CYP7B1: variants seen among roughly 807,000 people sequenced by gnomAD.
CYP7B1 encodes the protein cytochrome P450 7B1.
Under a neutral mutation model 42.7 loss-of-function variants are expected in CYP7B1, and 29 were observed. The ratio of observed to expected loss-of-function variants is 0.68; its 90% CI spans 0.51 to 0.93. The LOEUF is 0.93. Ranked by LOEUF, CYP7B1 falls within the 40% of genes least tolerant of loss-of-function variation. The probability of loss-of-function intolerance (pLI) is 0.00; values close to 1 mark genes in which losing one functional copy is unlikely to be tolerated. For synonymous variants in CYP7B1, 235 were observed against 218.2 expected (o/e 1.08, Z -0.68); for missense variants, 655 against 600.5 (o/e 1.09, Z -0.95).
intron 1 of CYP7B1, among the ~76,000 whole-genome samples, chr8:64,717,787 C>T (rs781120522): frequency 5.9e-5 from 9 of 151,362 alleles, no homozygotes; most frequent in Non-Finnish European, 1.2e-4. Flanking sequence ...GTGGAGGGTA[C>T]GATAAGGTGA....
chr8:64,686,005 T>A (rs1490112938), intron 1 of CYP7B1, among the ~76,000 whole-genome samples: 1 of 53,636 alleles, frequency 1.9e-5, no homozygotes, highest in Non-Finnish European at 3.5e-5. Flanking sequence ...TACTGGGAAG[T>A]GAGGAGCCCC....
chr8:64,675,802 A>G (rs2129631811), intron 1 of CYP7B1, among the ~76,000 whole-genome samples: 1 of 152,258 alleles, frequency 6.6e-6, no homozygotes, highest in East Asian at 1.9e-4. Flanking sequence ...GGTCCTGACT[A>G]AGGGTTCATA....
chr8:64,692,519 T>C (rs1429081368), intron 1 of CYP7B1, among the ~76,000 whole-genome samples: 2 of 152,022 alleles, frequency 1.3e-5, no homozygotes, highest in Non-Finnish European at 2.9e-5. Flanking sequence ...CTTAGAGAAG[T>C]GGAGAGAGAA....
intron 1 of CYP7B1, among the ~76,000 whole-genome samples, chr8:64,733,741 C>T (rs1399285538): frequency 6.6e-6 from 1 of 152,096 alleles, no homozygotes; most frequent in East Asian, 1.9e-4. Flanking sequence ...GAGGCTGAGG[C>T]AGGGGGATCA....
chr8:64,784,810 A>G lies in CYP7B1; in HGVS notation c.122+13656T>C, dbSNP rs934451097. ...AAAGCAGGGAAACACTTTACGAAAA[A>G]AAGTTAAAATAATATGACAGTGACT... On this transcript the variant is annotated intron_variant, in intron 1 of 5. Coordinates refer to ENST00000310193, the MANE Select transcript of CYP7B1 (RefSeq NM_004820.5). Among the ~76,000 whole-genome samples, 8 of 152,334 alleles carry G rather than the reference A, an allele frequency of 5.3e-5. No individual in the cohort carries two copies. The East Asian group carries it at 1.5e-3, about 29-fold the overall frequency.
At chr8:64,681,401 G>A (rs546928713) in intron 1 of CYP7B1, among the ~76,000 whole-genome samples, 86 of 152,288 alleles carry the variant, frequency 5.6e-4, no homozygotes, top group African/African-American at 2.1e-3. Flanking sequence ...GGACCCCTGA[G>A]ATGGCCCCTA....
intron 2 of CYP7B1, among the ~76,000 whole-genome samples, chr8:64,618,281 C>T (rs897416421): frequency 6.6e-5 from 10 of 151,802 alleles, no homozygotes; most frequent in African/African-American, 2.4e-4. Flanking sequence ...TACTTTTCTC[C>T]TTTCACTAAA....
In CYP7B1 at chr8:64,798,577, T is replaced by A. The variant is rs754875085; in HGVS notation, c.11A>T (p.Glu4Val). Residue 4 changes from glutamate to valine, a missense_variant, in exon 1 of 6, where the codon GAA becomes GTA. Transcript: ENST00000310193. MAG[E>V]VSAATGRFSL... The stretch of plus-strand genomic sequence containing the variant: ...AAAGCGGCCCGTGGCCGCGGACACT[T>A]CTCCTGCCATCCGGCGCGCGCTAGG... The A allele has an allele frequency of 7.6e-5, 112 of 1,471,430 alleles. 1 individual carries two copies. Among genetic ancestry groups the A allele is most frequent in the Non-Finnish European group, 8.8e-5 (99 of 1,121,272 alleles). The allele number at this position is 1,471,430 out of a possible 1,614,324, so 91.1% of individuals were successfully genotyped here.
intron 1 of CYP7B1, among the ~76,000 whole-genome samples, chr8:64,640,057 A>T (rs1805830313): frequency 6.6e-6 from 1 of 152,138 alleles, no homozygotes; most frequent in South Asian, 2.1e-4. Context: ...GAAACCAGAC[A>T]CCTGATTCCA....
chr8:64,761,509 T>A (rs942460549), intron 1 of CYP7B1, among the ~76,000 whole-genome samples: 1 of 152,114 alleles, frequency 6.6e-6, no homozygotes, highest in Non-Finnish European at 1.5e-5. Flanking sequence ...GGGAATGTCT[T>A]AAAATGAACA....
chr8:64,734,747 G>A (rs1166152816), intron 1 of CYP7B1, among the ~76,000 whole-genome samples: 7 of 152,138 alleles, frequency 4.6e-5, no homozygotes, highest in Non-Finnish European at 1.0e-4. Flanking sequence ...TCTCTAGACT[G>A]TTCTACTGGG....
rs746439960 is a variant in CYP7B1, at chr8:64,615,155, G to A, written c.928C>T (p.Arg310Trp). The part of the protein sequence containing the change: ...TMFWAMYYLL[R>W]HPEAMAAVRD... ...ACTGCTGCCATAGCTTCTGGGTGCC[G>A]CAGAAGATAATACATTGCCCAGAAC... The change falls in exon 4 of 6, where the codon CGG becomes TGG. Residue 310 changes from arginine (R) to tryptophan (W), a missense_variant. Arg to Trp is a moderately radical substitution (Grantham distance 101). Coordinates refer to ENST00000310193, the MANE Select transcript of CYP7B1 (RefSeq NM_004820.5). 31 of 1,613,560 alleles carry A rather than the reference G, an allele frequency of 1.9e-5. No homozygotes were observed. The highest frequency in any genetic ancestry group is 1.7e-4 in the Middle Eastern group (1 of 6,060).
Position 64,615,008 on chromosome 8 carries a change from C to T in CYP7B1, c.1057+18G>A. ...GAGAGGTACCTTCTTTTCTTCATAA[C>T]AGATAAAAATAAATTACCTAGGCAG... On this transcript the variant is annotated intron_variant, in intron 4 of 5. Transcript: ENST00000310193. The T allele has an allele frequency of 6.2e-7, 1 of 1,612,592 alleles. No individual in the cohort carries two copies. Among genetic ancestry groups the T allele is most frequent in the Non-Finnish European group, 8.5e-7 (1 of 1,178,878 alleles).
At chr8:64,641,543 GA>G (rs1195882947) in intron 1 of CYP7B1, among the ~76,000 whole-genome samples, 11 of 152,208 alleles carry the variant, frequency 7.2e-5, no homozygotes, top group African/African-American at 2.6e-4. Context: ...AAAGGTTCAG[GA>G]AAACTAATTC....
At chr8:64,787,926 G>A (rs746392829) in intron 1 of CYP7B1, among the ~76,000 whole-genome samples, 1 of 152,170 alleles carries the variant, frequency 6.6e-6, no homozygotes, top group Non-Finnish European at 1.5e-5. Context: ...AGAAGTGCCA[G>A]CAGGAGAAAT....
intron 1 of CYP7B1, among the ~76,000 whole-genome samples, chr8:64,769,798 C>T (rs751063005): frequency 6.6e-6 from 1 of 152,116 alleles, no homozygotes. Context: ...ACACCTCCAC[C>T]TTCATTCCCC....
chr8:64,740,837 C>A (rs1563411253), intron 1 of CYP7B1, among the ~76,000 whole-genome samples: 1 of 151,796 alleles, frequency 6.6e-6, no homozygotes, highest in Non-Finnish European at 1.5e-5. Flanking sequence ...CTATATCTAT[C>A]AAAAAAAATC....
intron 1 of CYP7B1, among the ~76,000 whole-genome samples, chr8:64,760,298 C>T (rs561531734): frequency 6.6e-6 from 1 of 152,004 alleles, no homozygotes; most frequent in African/African-American, 2.4e-5. Context: ...ACATTGGTCT[C>T]AGCAATGATT....
intron 1 of CYP7B1, among the ~76,000 whole-genome samples, chr8:64,772,939 C>T (rs1804260923): frequency 6.6e-6 from 1 of 152,166 alleles, no homozygotes; most frequent in Non-Finnish European, 1.5e-5. Flanking sequence ...CCATCTCCTC[C>T]TTCTCACTTT....
Sources: allele counts gnomAD v4.1 joint callset (sites outside exome capture counted in the v4.1 genomes callset), GRCh38; gene constraint gnomAD v4.1.1; transcripts MANE v1.5; gene names NCBI Gene and HGNC (gene_info 2026-07-23, HGNC 2026-07-21).